The following TRPC6 variants were observed in gnomAD, a reference collection of about 807,000 sequenced individuals.
TRPC6 encodes the protein transient receptor potential cation channel subfamily C member 6.
Under a neutral mutation model 90.7 loss-of-function variants are expected in TRPC6, and 55 were observed. The ratio of observed to expected loss-of-function variants is 0.61; its 90% CI spans 0.49 to 0.76. The LOEUF is 0.76. Ranked by LOEUF, TRPC6 falls within the 30% of genes least tolerant of loss-of-function variation. The pLI is 0.00. For synonymous variants in TRPC6, 393 were observed against 393.0 expected, an observed-to-expected ratio of 1.00 and a Z score of 0.00; for missense variants, 989 against 1,122.7, an observed-to-expected ratio of 0.88 and a Z score of 1.70.
Position 101,509,383 on chromosome 11 carries a change from C to G in TRPC6, c.171-4585G>C, listed in dbSNP as rs1338841313. 2.0e-5 allele frequency among the ~76,000 whole-genome samples: 3 copies of G among 152,014 alleles called. No individual in the cohort carries two copies. In the East Asian group the frequency reaches 5.8e-4, roughly 29 times the overall value. ...AACATACTGGGATTACAGGTATGAG[C>G]CACCACACCTGCCCTTTGTTTGTCT... is the stretch of plus-strand genomic sequence containing the variant. On this transcript the variant is annotated intron_variant, in intron 1 of 12. Transcript: ENST00000344327.
chr11:101,548,370 T>TTATAATATATAAATATATTATG (rs1171598241), intron 1 of TRPC6, among the ~76,000 whole-genome samples: 11 of 118,902 alleles, frequency 9.3e-5, no homozygotes, highest in South Asian at 3.8e-4. Flanking sequence ...TATCTTATAA[T>TTATAATATATAAATATATTATG]TATAATATAT....
At chr11:101,573,921 C>CGTGTGTGTGTGTGTGTGTGTGTGTGTGT (rs58766729) in intron 1 of TRPC6, among the ~76,000 whole-genome samples, 2 of 131,978 alleles carry the variant, frequency 1.5e-5, no homozygotes, top group Non-Finnish European at 3.3e-5. Flanking sequence ...GAAACAAATA[C>CGTGTGTGTGTGTGTGTGTGTGTGTGTGT]GTGTGTGTGT....
At chr11:101,482,916 A>C in intron 5 of TRPC6, 33 bp downstream of exon 5, 1 of 1,609,550 alleles carries the variant, frequency 6.2e-7, no homozygotes, top group Non-Finnish European at 8.5e-7. Context: ...CTAAGACTGC[A>C]AACAGAAAAC....
At chr11:101,488,711 T>C (rs1859733814) in intron 4 of TRPC6, among the ~76,000 whole-genome samples, 1 of 152,164 alleles carries the variant, frequency 6.6e-6, no homozygotes, top group East Asian at 1.9e-4. Context: ...GAATTTTATC[T>C]TTTCCGTTTT....
chr11:101,556,677 A>C (rs572972725), intron 1 of TRPC6, among the ~76,000 whole-genome samples: 1 of 152,338 alleles, frequency 6.6e-6, no homozygotes, highest in East Asian at 1.9e-4. Context: ...AAAATTAAAC[A>C]GGAGGGAATA....
intron 1 of TRPC6, among the ~76,000 whole-genome samples, chr11:101,539,360 T>G (rs946299637): frequency 1.3e-5 from 2 of 152,232 alleles, no homozygotes; most frequent in African/African-American, 4.8e-5. Flanking sequence ...CAGCTGCTGT[T>G]CTCAGACTGC....
At chr11:101,522,358 G>A (rs376491206) in intron 1 of TRPC6, among the ~76,000 whole-genome samples, 20 of 151,998 alleles carry the variant, frequency 1.3e-4, no homozygotes, top group Non-Finnish European at 2.4e-4. Context: ...TGCCTGCTTC[G>A]CCTTGCCTTC....
At chr11:101,455,992 TAAAC>T (rs1047766605) in intron 10 of TRPC6, among the ~76,000 whole-genome samples, 31 of 152,180 alleles carry the variant, frequency 2.0e-4, no homozygotes, top group Admixed American at 7.9e-4. Context: ...AGATTAATAA[TAAAC>T]AATATATAAA....
chr11:101,579,851 C>A (rs1022163003), intron 1 of TRPC6, among the ~76,000 whole-genome samples: 2 of 152,170 alleles, frequency 1.3e-5, no homozygotes, highest in African/African-American at 4.8e-5. Flanking sequence ...AGTTTACCTT[C>A]TTTCTGTCTC....
At chr11:101,459,861 A>G (rs188799759) in intron 10 of TRPC6, among the ~76,000 whole-genome samples, 2 of 152,306 alleles carry the variant, frequency 1.3e-5, no homozygotes, top group African/African-American at 2.4e-5. Flanking sequence ...TCTTTATAAT[A>G]TGAGTATATT....
chr11:101,504,733 A>T lies in TRPC6; in HGVS notation c.236T>A (p.Leu79Ter), dbSNP rs767960297. ...QTVLREKGRR[L>*]ANRGPAYMFS... is the part of the protein sequence containing the mutation. ...CATGTATGCTGGTCCTCGATTAGCT[A>T]ACCTTCTCCCCTTCTCACGGAGAAC... Residue 79 changes from leucine to a stop codon, truncating the protein, a stop_gained, in exon 2 of 13, where the codon TTA (leucine) becomes TAA (stop). Coordinates refer to ENST00000344327, the MANE Select transcript of TRPC6 (RefSeq NM_004621.6). LOFTEE classifies it high-confidence loss of function. 6.3e-7 allele frequency: 1 copy of T among 1,599,114 alleles called. No homozygotes were observed. Among genetic ancestry groups the T allele is most frequent in the South Asian group, 1.1e-5 (1 of 88,616 alleles).
chr11:101,504,877 T>TA (rs1204957062), intron 1 of TRPC6, 79 bp from the exon 2 acceptor site: 1 of 1,527,336 alleles, frequency 6.5e-7, no homozygotes. Context: ...ATTCATCTAA[T>TA]ACAATCCTCA....
chr11:101,568,275 G>T (rs1019220344), intron 1 of TRPC6, among the ~76,000 whole-genome samples: 1 of 151,412 alleles, frequency 6.6e-6, no homozygotes. Context: ...TGTATCAGAA[G>T]ATCAACTCGA....
Position 101,504,501 on chromosome 11 carries a change from T to TA in TRPC6, c.467_468insT (p.Glu156AspfsTer15). 1 of 1,614,142 alleles carries TA rather than the reference T, an allele frequency of 6.2e-7. No homozygotes were observed. Among genetic ancestry groups the TA allele is most frequent in the Non-Finnish European group, 8.5e-7 (1 of 1,180,000 alleles). On this transcript the variant is annotated frameshift_variant, in exon 2 of 13. Transcript: ENST00000344327. LOFTEE classifies it high-confidence loss of function. ...AAGCATCCCCAACTCGAGAGAGGTT[T>TA]TCTTTCTTGAGAAGAAGTTCTGTAA...
At chr11:101,557,578 G>A (rs1255772447) in intron 1 of TRPC6, among the ~76,000 whole-genome samples, 1 of 151,804 alleles carries the variant, frequency 6.6e-6, no homozygotes, top group East Asian at 1.9e-4. Flanking sequence ...TTCTCTGCTT[G>A]TAGATAATAT....
At chr11:101,455,885 T>C (rs1457652658) in intron 10 of TRPC6, among the ~76,000 whole-genome samples, 1 of 152,152 alleles carries the variant, frequency 6.6e-6, no homozygotes, top group Admixed American at 6.6e-5. Flanking sequence ...AAATGTAAGG[T>C]GCTGTGCTAG....
chr11:101,563,906 GA>G (rs1349560807), intron 1 of TRPC6, among the ~76,000 whole-genome samples: 2 of 152,206 alleles, frequency 1.3e-5, no homozygotes, highest in East Asian at 3.9e-4. Flanking sequence ...TGTACATTTA[GA>G]GTGAGAAAGA....
At chr11:101,510,572 T>A (rs1192260632) in intron 1 of TRPC6, among the ~76,000 whole-genome samples, 1 of 152,176 alleles carries the variant, frequency 6.6e-6, no homozygotes, top group African/African-American at 2.4e-5. Context: ...GTCTGTATTT[T>A]TACAAGGTGT....
chr11:101,517,023 C>T (rs150347906), intron 1 of TRPC6, among the ~76,000 whole-genome samples: 4 of 152,336 alleles, frequency 2.6e-5, no homozygotes, highest in Non-Finnish European at 5.9e-5. Context: ...CACTGAACTA[C>T]GCTGAAAGCT....
Sources: allele counts gnomAD v4.1 joint callset (sites outside exome capture counted in the v4.1 genomes callset), GRCh38; gene constraint gnomAD v4.1.1; transcripts MANE v1.5; gene names NCBI Gene and HGNC (gene_info 2026-07-23, HGNC 2026-07-21).